Variants in CAMK2D observed in about 807,000 individuals in gnomAD.
CAMK2D encodes the protein calcium/calmodulin dependent protein kinase II delta.
Under a neutral mutation model 84.0 loss-of-function variants are expected in CAMK2D, and 37 were observed. The observed-to-expected ratio is 0.44, with a 90% CI of 0.34 to 0.58. The LOEUF (loss-of-function observed/expected upper bound fraction) is 0.58. Ranked by LOEUF, CAMK2D falls within the 20% of genes least tolerant of loss-of-function variation. The probability of loss-of-function intolerance (pLI) is 0.02; values close to 1 mark genes in which losing one functional copy is unlikely to be tolerated. For missense variants in CAMK2D, 448 were observed against 652.5 expected (o/e 0.69, Z 3.41); for synonymous variants, 202 against 212.5 (o/e 0.95, Z 0.43).
chr4:113,561,976 GCATA>G (rs1224860656), intron 4 of CAMK2D, among the ~76,000 whole-genome samples: 1 of 152,132 alleles, frequency 6.6e-6, no homozygotes, highest in African/African-American at 2.4e-5. Context: ...ATGTGTGCCT[GCATA>G]CACGTGTAAA....
intron 2 of CAMK2D, among the ~76,000 whole-genome samples, chr4:113,692,412 T>G (rs2099389513): frequency 6.6e-6 from 1 of 152,178 alleles, no homozygotes; most frequent in Non-Finnish European, 1.5e-5. Context: ...TTGCCCTAAA[T>G]ATTCATACAA....
chr4:113,479,942 T>A (rs1472652493), intron 16 of CAMK2D, among the ~76,000 whole-genome samples: 1 of 152,050 alleles, frequency 6.6e-6, no homozygotes, highest in African/African-American at 2.4e-5. Context: ...AGGTAAAAAA[T>A]GGTTAGGTAT....
chr4:113,682,997 G>T (rs536240817), intron 2 of CAMK2D, among the ~76,000 whole-genome samples: 1 of 152,238 alleles, frequency 6.6e-6, no homozygotes, highest in Non-Finnish European at 1.5e-5. Flanking sequence ...TGAGTCACAT[G>T]ATCTATAATG....
intron 20 of CAMK2D, among the ~76,000 whole-genome samples, chr4:113,454,940 G>T (rs1186648950): frequency 6.6e-6 from 1 of 152,150 alleles, no homozygotes; most frequent in East Asian, 1.9e-4. Flanking sequence ...ATGAAACCTA[G>T]AAGTCAATTT....
chr4:113,505,237 T>C (rs1296566168), intron 13 of CAMK2D, among the ~76,000 whole-genome samples: 3 of 152,180 alleles, frequency 2.0e-5, no homozygotes, highest in Non-Finnish European at 2.9e-5. Flanking sequence ...ATGTCCGTGA[T>C]GGTGCAATGA....
intron 4 of CAMK2D, among the ~76,000 whole-genome samples, chr4:113,607,607 T>A (rs2098983315): frequency 6.6e-6 from 1 of 151,392 alleles, no homozygotes; most frequent in Non-Finnish European, 1.5e-5. Flanking sequence ...CCGAGCACCC[T>A]GTAATCCCTG....
intron 2 of CAMK2D, among the ~76,000 whole-genome samples, chr4:113,702,359 C>T (rs1271234204): frequency 2.6e-5 from 4 of 152,064 alleles, no homozygotes; most frequent in Non-Finnish European, 5.9e-5. Flanking sequence ...TATTTACAAT[C>T]CTTTAAAAAT....
intron 2 of CAMK2D, among the ~76,000 whole-genome samples, chr4:113,725,973 T>C (rs2099544617): frequency 1.3e-5 from 2 of 152,122 alleles, no homozygotes; most frequent in South Asian, 4.1e-4. Flanking sequence ...AATACTATGG[T>C]CAACAACAGC....
chr4:113,748,499 G>C (rs1417197866), intron 2 of CAMK2D, among the ~76,000 whole-genome samples: 1 of 151,806 alleles, frequency 6.6e-6, no homozygotes, highest in African/African-American at 2.4e-5. Context: ...TATAAAAAAA[G>C]TTATACAAAA....
chr4:113,641,951 G>A (rs1055428819), intron 3 of CAMK2D, among the ~76,000 whole-genome samples: 3 of 151,790 alleles, frequency 2.0e-5, no homozygotes, highest in Admixed American at 6.6e-5. Context: ...TGGAGGTTGC[G>A]GTGAGTCAAG....
chr4:113,656,924 T>G (rs2099203625), intron 3 of CAMK2D, among the ~76,000 whole-genome samples: 3 of 152,176 alleles, frequency 2.0e-5, no homozygotes, highest in African/African-American at 7.2e-5. Flanking sequence ...CCAGCCTAAA[T>G]GAAGAATCCT....
intron 4 of CAMK2D, among the ~76,000 whole-genome samples, chr4:113,603,481 G>C (rs1001882623): frequency 2.8e-5 from 4 of 143,552 alleles, no homozygotes; most frequent in African/African-American, 1.1e-4. Flanking sequence ...GTAAACTATC[G>C]CAAGAACAAA....
At chr4:113,665,363 AC>A (rs761197444) in intron 2 of CAMK2D, among the ~76,000 whole-genome samples, 2 of 152,180 alleles carry the variant, frequency 1.3e-5, no homozygotes, top group Non-Finnish European at 2.9e-5. Context: ...CCACAACCTG[AC>A]TTTTAGAGAG....
intron 12 of CAMK2D, among the ~76,000 whole-genome samples, chr4:113,511,288 G>A (rs949459707): frequency 6.6e-6 from 1 of 152,094 alleles, no homozygotes; most frequent in Non-Finnish European, 1.5e-5. Context: ...TTCTTCAGTT[G>A]ATTTTGAAGT....
At chr4:113,607,250 C>T (rs1391547290) in intron 4 of CAMK2D, among the ~76,000 whole-genome samples, 2 of 152,086 alleles carry the variant, frequency 1.3e-5, no homozygotes, top group African/African-American at 2.4e-5. Flanking sequence ...ACTACTAGAA[C>T]AACATAGAGC....
At chr4:113,709,484 C>T (rs1270821158) in intron 2 of CAMK2D, among the ~76,000 whole-genome samples, 1 of 151,460 alleles carries the variant, frequency 6.6e-6, no homozygotes, top group Admixed American at 6.6e-5. Context: ...TTGTTTTTAA[C>T]ATATGGGTAT....
At chr4:113,641,853 T>C (rs1212510463) in intron 3 of CAMK2D, among the ~76,000 whole-genome samples, 1 of 151,366 alleles carries the variant, frequency 6.6e-6, no homozygotes, top group Non-Finnish European at 1.5e-5. Context: ...CTACCAAAAA[T>C]ACAAAATTAG....
intron 6 of CAMK2D, among the ~76,000 whole-genome samples, chr4:113,545,602 G>T (rs543883194): frequency 6.6e-6 from 1 of 152,212 alleles, no homozygotes; most frequent in African/African-American, 2.4e-5. Flanking sequence ...GATTTGGCAC[G>T]TTCAAGAGGT....
At chr4:113,581,795 G>C (rs1314588860) in intron 4 of CAMK2D, among the ~76,000 whole-genome samples, 1 of 151,956 alleles carries the variant, frequency 6.6e-6, no homozygotes, top group Non-Finnish European at 1.5e-5. Context: ...AATGTCATTG[G>C]GTAATTTTCC....
Sources: gnomAD v4.1 joint callset for allele counts (sites outside exome capture counted in the v4.1 genomes callset) on GRCh38, gnomAD v4.1.1 for gene constraint, MANE v1.5 for transcripts, NCBI Gene and HGNC (gene_info 2026-07-23, HGNC 2026-07-21) for gene names.